The following SRSF4 variants were observed in gnomAD, a reference collection of about 807,000 sequenced individuals.
SRSF4 encodes the protein serine and arginine rich splicing factor 4.
A neutral mutation model predicts 48.8 loss-of-function variants in SRSF4; 12 were observed. That is an observed-to-expected ratio of 0.25 (90% CI 0.16 to 0.40). The LOEUF is 0.40. Ranked by LOEUF, SRSF4 falls within the 10% of genes least tolerant of loss-of-function variation. The probability of loss-of-function intolerance (pLI) is 1.00; values close to 1 mark genes in which losing one functional copy is unlikely to be tolerated. For missense variants in SRSF4, 466 were observed against 667.1 expected, an observed-to-expected ratio of 0.70 and a Z score of 3.32; for synonymous variants, 248 against 232.5, an observed-to-expected ratio of 1.07 and a Z score of -0.61.
intron 4 of SRSF4, among the ~76,000 whole-genome samples, chr1:29,152,561 C>T (rs916750085): frequency 6.6e-6 from 1 of 152,140 alleles, no homozygotes; most frequent in Admixed American, 6.6e-5. Flanking sequence ...ATATTAGCTT[C>T]TCTACTCTGG....
chr1:29,180,150 G>A (rs1181159218), intron 1 of SRSF4, among the ~76,000 whole-genome samples: 1 of 152,192 alleles, frequency 6.6e-6, no homozygotes, highest in Non-Finnish European at 1.5e-5. Context: ...CCCATACGTA[G>A]TAAGTGGTGG....
At chr1:29,161,244 A>C (rs938485123) in intron 1 of SRSF4, among the ~76,000 whole-genome samples, 4 of 152,240 alleles carry the variant, frequency 2.6e-5, no homozygotes, top group Non-Finnish European at 5.9e-5. Flanking sequence ...CCTATTAAAG[A>C]GTACAATTTA....
At chr1:29,169,517 T>C (rs1055817613) in intron 1 of SRSF4, 3 of 152,210 alleles carry the variant, frequency 2.0e-5, no homozygotes, top group African/African-American at 7.2e-5. Flanking sequence ...TTGTGAACAT[T>C]TATTCTCTAC....
chr1:29,156,901 C>T (rs1672508877), intron 3 of SRSF4, among the ~76,000 whole-genome samples: 1 of 152,196 alleles, frequency 6.6e-6, no homozygotes, highest in Non-Finnish European at 1.5e-5. Flanking sequence ...TTACTGAGTA[C>T]AATCACTTAG....
At position 29,160,429 on chromosome 1, in the gene SRSF4, T is replaced by C; in HGVS notation, c.196A>G (p.Ile66Val). The change falls in exon 2 of 6, where the codon ATT becomes GTT. Residue 66 changes from isoleucine (I) to valine (V), a missense_variant. By Grantham distance (29) the Ile-to-Val change is conservative. Around this residue, in one of 2 missense-constraint regions of SRSF4, gnomAD observed 64 missense variants for 230.2 expected, o/e 0.28. Transcript: ENST00000373795. ...NGKDLCGERV[I>V]VEHARGPRRD... is the part of the protein sequence containing the mutation. ...CGTGGGCCGCGGGCATGCTCAACAA[T>C]TACTCGCTCACCACAAAGGTCTTTG... 4 of 1,613,876 alleles carry C rather than the reference T, an allele frequency of 2.5e-6. No homozygotes were observed. Among genetic ancestry groups the C allele is most frequent in the Non-Finnish European group, 3.4e-6 (4 of 1,179,954 alleles).
chr1:29,178,683 T>G (rs191001020), intron 1 of SRSF4, among the ~76,000 whole-genome samples: 3 of 152,184 alleles, frequency 2.0e-5, no homozygotes, highest in Non-Finnish European at 4.4e-5. Context: ...AATCTAGATA[T>G]GTTCAAACAT....
In SRSF4 at chr1:29,179,387, G is replaced by A. The variant is rs981028047; in HGVS notation, c.107+2259C>T. Among the ~76,000 whole-genome samples, 86 of 152,124 alleles carry A rather than the reference G, an allele frequency of 5.7e-4. 1 individual carries two copies. Among genetic ancestry groups the A allele is most frequent in the Middle Eastern group, 6.8e-3 (2 of 294 alleles). On this transcript the variant is annotated intron_variant, in intron 1 of 5. Coordinates refer to ENST00000373795, the MANE Select transcript of SRSF4 (RefSeq NM_005626.5). Reference sequence around the variant, plus strand: ...TTGTACTTATTTTATTAGAGATGGGGGTCTTGCTGTTACCCAGACTGGAGT... The same window carrying A: ...TTGTACTTATTTTATTAGAGATGGGAGTCTTGCTGTTACCCAGACTGGAGT...
At chr1:29,175,764 G>A (rs1672838828) in intron 1 of SRSF4, among the ~76,000 whole-genome samples, 1 of 149,104 alleles carries the variant, frequency 6.7e-6, no homozygotes, top group Non-Finnish European at 1.5e-5. Context: ...AATTAAGAGT[G>A]GGTCTTTAAT....
intron 4 of SRSF4, among the ~76,000 whole-genome samples, chr1:29,152,624 A>C (rs1672427684): frequency 1.3e-5 from 2 of 152,056 alleles, no homozygotes; most frequent in African/African-American, 4.8e-5. Flanking sequence ...TGTTAGATAG[A>C]TAGGCATTTT....
chr1:29,181,112 T>C (rs1243648842), intron 1 of SRSF4, among the ~76,000 whole-genome samples: 1 of 152,166 alleles, frequency 6.6e-6, no homozygotes, highest in East Asian at 1.9e-4. Context: ...CTACTCAAAC[T>C]GGAGTCTCCC....
At chr1:29,157,281 G>C (rs1672515146) in intron 3 of SRSF4, among the ~76,000 whole-genome samples, 1 of 152,014 alleles carries the variant, frequency 6.6e-6, no homozygotes, top group Non-Finnish European at 1.5e-5. Context: ...GTTTATACAG[G>C]CACCCCATAA....
rs563457370 is a variant in SRSF4, at chr1:29,150,455, G to C, written c.579-263C>G. On this transcript the variant is annotated intron_variant, in intron 4 of 5. Transcript: ENST00000373795. The stretch of plus-strand genomic sequence containing the variant: ...AATTTTGTATTTTTAGTAGAGACGG[G>C]GTTTCTCCATGTTGGTCAGGCTGGT... 1.4e-4 allele frequency among the ~76,000 whole-genome samples: 22 copies of C among 152,118 alleles called. 1 individual carries two copies. In the South Asian group the frequency reaches 4.6e-3, roughly 31 times the overall value.
At chr1:29,181,013 TAAG>T (rs1215965016) in intron 1 of SRSF4, among the ~76,000 whole-genome samples, 2 of 152,180 alleles carry the variant, frequency 1.3e-5, no homozygotes, top group African/African-American at 2.4e-5. Context: ...GTCTTAAAGA[TAAG>T]AAGTTAAGAC....
intron 1 of SRSF4, among the ~76,000 whole-genome samples, chr1:29,177,716 G>A (rs1324286760): frequency 1.3e-5 from 2 of 152,022 alleles, no homozygotes; most frequent in Admixed American, 6.6e-5. Context: ...AAGTTCTCTA[G>A]AACAGTGGCA....
chr1:29,179,655 T>C (rs999218658), intron 1 of SRSF4, among the ~76,000 whole-genome samples: 3 of 152,204 alleles, frequency 2.0e-5, no homozygotes, highest in South Asian at 2.1e-4. Flanking sequence ...CGACATATAC[T>C]ATTCCCAGAA....
intron 4 of SRSF4, among the ~76,000 whole-genome samples, chr1:29,151,495 T>TC (rs1206671500): frequency 6.6e-6 from 1 of 152,040 alleles, no homozygotes; most frequent in Non-Finnish European, 1.5e-5. Context: ...AGAGTCCGTC[T>TC]CAAACAAACA....
Position 29,149,046 on chromosome 1 carries a change from G to A in SRSF4, c.849C>T (p.Val283=), listed in dbSNP as rs769444351. The A allele has an allele frequency of 1.4e-5, 23 of 1,613,628 alleles. 1 individual carries two copies. The Middle Eastern group carries it at 1.7e-3, about 116-fold the overall frequency. Residue 283 remains valine (V), a synonymous_variant, in exon 6 of 6, where the codon GTC becomes GTT. Coordinates refer to ENST00000373795, the MANE Select transcript of SRSF4 (RefSeq NM_005626.5). Reference sequence around the variant, plus strand: ...TAGGACTCCGGCTCTTGGGTTTCCCGACATTGTCATTGTTTTGGATCTTCT... The same window carrying A: ...TAGGACTCCGGCTCTTGGGTTTCCCAACATTGTCATTGTTTTGGATCTTCT... ...AEEKIQNNDN[V]GKPKSRSPSR...
At chr1:29,153,077 C>T (rs1006150035) in intron 4 of SRSF4, among the ~76,000 whole-genome samples, 7 of 152,090 alleles carry the variant, frequency 4.6e-5, no homozygotes, top group African/African-American at 1.4e-4. Flanking sequence ...CACAATAGCA[C>T]GGTTTATTCA....
At chr1:29,168,171 T>C (rs541657218) in intron 1 of SRSF4, among the ~76,000 whole-genome samples, 3 of 150,770 alleles carry the variant, frequency 2.0e-5, no homozygotes, top group Non-Finnish European at 4.4e-5. Flanking sequence ...TGCACCACCA[T>C]GCCCGGCAAA....
Sources: gnomAD v4.1 joint callset for allele counts (sites outside exome capture counted in the v4.1 genomes callset) on GRCh38, gnomAD v4.1.1 for gene constraint, gnomAD v4.1.1 regional missense constraint, MANE v1.5 for transcripts, NCBI Gene and HGNC (gene_info 2026-07-23, HGNC 2026-07-21) for gene names.